The following NRG3 variants were observed in gnomAD, a reference collection of about 807,000 sequenced individuals.
NRG3 encodes neuregulin 3.
A neutral mutation model predicts 66.9 loss-of-function variants in NRG3; 31 were observed. That is an observed-to-expected ratio of 0.46 (90% CI 0.35 to 0.63). The LOEUF (loss-of-function observed/expected upper bound fraction) is 0.63. Ranked by LOEUF, NRG3 falls within the 20% of genes least tolerant of loss-of-function variation. The pLI, the probability that NRG3 is intolerant of heterozygous loss-of-function variation, is 0.00. For synonymous variants in NRG3, 393 were observed against 359.4 expected (o/e 1.09, Z -1.06); for missense variants, 910 against 878.9 (o/e 1.04, Z -0.45).
chr10:82,214,123 C>T (rs1427189865), intron 1 of NRG3, among the ~76,000 whole-genome samples: 1 of 152,174 alleles, frequency 6.6e-6, no homozygotes, highest in East Asian at 1.9e-4. Flanking sequence ...CACTGAGACT[C>T]CCTTCCCCTT....
intron 1 of NRG3, among the ~76,000 whole-genome samples, chr10:82,283,684 A>T (rs1479875169): frequency 6.6e-6 from 1 of 152,168 alleles, no homozygotes; most frequent in East Asian, 1.9e-4. Context: ...CATGCTGTGT[A>T]TCTGGAAGGA....
chr10:82,177,275 C>G (rs549868853), intron 1 of NRG3, among the ~76,000 whole-genome samples: 3 of 151,922 alleles, frequency 2.0e-5, no homozygotes, highest in Non-Finnish European at 4.4e-5. Context: ...TAAGGAGAAA[C>G]TAAAAGAAAA....
rs139724834 is a variant in NRG3 at position 81,979,899 on chromosome 10, T to G, written c.823+103736T>G. ...TCAGTCTAGCTTTGTCTGTGTATTT[T>G]ACAAACTGGCCACCCAAGTTCAGAG... On this transcript the variant is annotated intron_variant, in intron 1 of 8. Transcript: ENST00000372141. Among the ~76,000 whole-genome samples, 41 of 152,350 alleles carry G rather than the reference T, an allele frequency of 2.7e-4. No homozygotes were observed. The East Asian group carries it at 7.7e-3, about 29-fold the overall frequency.
intron 8 of NRG3, among the ~76,000 whole-genome samples, chr10:82,982,221 G>A (rs1412477367): frequency 6.6e-6 from 1 of 152,214 alleles, no homozygotes; most frequent in Non-Finnish European, 1.5e-5. Context: ...TAGGAACTGA[G>A]ATGGTTTGGA....
intron 4 of NRG3, among the ~76,000 whole-genome samples, chr10:82,894,755 T>G (rs1309503205): frequency 1.3e-5 from 2 of 152,106 alleles, no homozygotes; most frequent in Non-Finnish European, 1.5e-5. Flanking sequence ...TAACTTTAAG[T>G]TCTAGGGTGA....
intron 1 of NRG3, among the ~76,000 whole-genome samples, chr10:82,024,283 G>A (rs1297284905): frequency 1.3e-5 from 2 of 151,638 alleles, no homozygotes; most frequent in South Asian, 2.1e-4. Context: ...GTTCATCTTT[G>A]CAAAATAACA....
chr10:82,284,609 TA>T (rs1342352429), intron 1 of NRG3, among the ~76,000 whole-genome samples: 9 of 152,272 alleles, frequency 5.9e-5, no homozygotes, highest in Non-Finnish European at 1.0e-4. Flanking sequence ...ATGATTTCTT[TA>T]ATAACTTTCT....
Position 82,721,370 on chromosome 10 carries a change from C to T in NRG3, c.954-17207C>T, listed in dbSNP as rs138585362. On this transcript the variant is annotated intron_variant, in intron 2 of 8. Coordinates refer to ENST00000372141, the MANE Select transcript of NRG3 (RefSeq NM_001010848.4). Reference sequence around the variant, plus strand: ...AGCCAGGATTGTCTCGATCTTCTGACCTCGTGATCCGCCTGCTTCGGCCTC... The same window carrying T: ...AGCCAGGATTGTCTCGATCTTCTGATCTCGTGATCCGCCTGCTTCGGCCTC... 5.5e-3 allele frequency among the ~76,000 whole-genome samples: 837 copies of T among 151,832 alleles called. 9 individuals are homozygous for T. The highest frequency in any genetic ancestry group is 0.019 in the African/African-American group (791 of 41,398).
chr10:82,751,460 G>A (rs2058858411), intron 3 of NRG3, among the ~76,000 whole-genome samples: 1 of 152,164 alleles, frequency 6.6e-6, no homozygotes, highest in Admixed American at 6.6e-5. Context: ...TCCAATAGGA[G>A]TGCTTTGTGG....
At chr10:82,065,372 G>C (rs543661920) in intron 1 of NRG3, among the ~76,000 whole-genome samples, 161 of 152,278 alleles carry the variant, frequency 1.1e-3, no homozygotes, top group African/African-American at 3.8e-3. Context: ...TTTAGAGTTT[G>C]ATAATAACTT....
chr10:82,342,785 T>C (rs994631807), intron 1 of NRG3, among the ~76,000 whole-genome samples: 1 of 146,112 alleles, frequency 6.8e-6, no homozygotes, highest in Non-Finnish European at 1.5e-5. Flanking sequence ...CTCTCACTTA[T>C]ATATTTTTGT....
intron 2 of NRG3, among the ~76,000 whole-genome samples, chr10:82,548,058 T>TTTTA (rs1554959773): frequency 6.7e-6 from 1 of 148,594 alleles, no homozygotes; most frequent in Admixed American, 6.7e-5. Flanking sequence ...TTTTTTTTTT[T>TTTTA]AAATCATGGA....
chr10:82,387,518 A>G (rs2086080912), intron 2 of NRG3, among the ~76,000 whole-genome samples: 1 of 152,226 alleles, frequency 6.6e-6, no homozygotes, highest in Non-Finnish European at 1.5e-5. Context: ...CCTAACAAAC[A>G]AGAAAAGGAA....
intron 1 of NRG3, among the ~76,000 whole-genome samples, chr10:82,353,245 A>T (rs1315268458): frequency 6.6e-6 from 1 of 152,208 alleles, no homozygotes; most frequent in African/African-American, 2.4e-5. Flanking sequence ...AAAGATAAGC[A>T]CAGTGTGCTG....
chr10:82,726,993 A>G (rs2057638434), intron 2 of NRG3, among the ~76,000 whole-genome samples: 1 of 152,102 alleles, frequency 6.6e-6, no homozygotes, highest in South Asian at 2.1e-4. Context: ...CCTTCCCTAG[A>G]TATTTGTGCA....
intron 2 of NRG3, among the ~76,000 whole-genome samples, chr10:82,570,512 A>G (rs1363900771): frequency 6.6e-6 from 1 of 151,670 alleles, no homozygotes; most frequent in South Asian, 2.1e-4. Context: ...CTTAATAAAT[A>G]TTTGTTAAAT....
At chr10:81,968,624 G>A (rs945631536) in intron 1 of NRG3, among the ~76,000 whole-genome samples, 1 of 152,164 alleles carries the variant, frequency 6.6e-6, no homozygotes, top group Non-Finnish European at 1.5e-5. Flanking sequence ...GAGGAATAGA[G>A]CATACTTTAT....
At chr10:82,251,286 C>A (rs866607130) in intron 1 of NRG3, among the ~76,000 whole-genome samples, 6 of 152,110 alleles carry the variant, frequency 3.9e-5, no homozygotes, top group Non-Finnish European at 7.3e-5. Flanking sequence ...CCAAGCTTCT[C>A]CTCCCCCTCT....
chr10:82,310,664 A>G (rs536752741), intron 1 of NRG3, among the ~76,000 whole-genome samples: 1 of 152,018 alleles, frequency 6.6e-6, no homozygotes, highest in East Asian at 1.9e-4. Context: ...TTTTTTTTTC[A>G]TTGCGAAATA....
Sources: gnomAD v4.1 joint callset for allele counts (sites outside exome capture counted in the v4.1 genomes callset) on GRCh38, gnomAD v4.1.1 for gene constraint, MANE v1.5 for transcripts, NCBI Gene and HGNC (gene_info 2026-07-23, HGNC 2026-07-21) for gene names.